Variants in CDKAL1 observed in about 807,000 individuals in gnomAD.
CDKAL1 encodes CDKAL1 threonylcarbamoyladenosine tRNA methylthiotransferase.
Under a neutral mutation model 68.2 loss-of-function variants are expected in CDKAL1, and 32 were observed. The observed-to-expected ratio is 0.47, with a 90% CI of 0.35 to 0.63. The LOEUF (loss-of-function observed/expected upper bound fraction) is 0.63. Among genes scored for constraint, CDKAL1 ranks in the 30% least tolerant of loss-of-function variants. CDKAL1 has a pLI of 0.00. For synonymous variants in CDKAL1, 234 were observed against 244.3 expected, an observed-to-expected ratio of 0.96 and a Z score of 0.39; for missense variants, 606 against 696.7, an observed-to-expected ratio of 0.87 and a Z score of 1.47.
intron 8 of CDKAL1, among the ~76,000 whole-genome samples, chr6:20,808,915 G>GT (rs1776681833): frequency 6.6e-6 from 1 of 152,120 alleles, no homozygotes; most frequent in South Asian, 2.1e-4. Flanking sequence ...TGAGGGAGCT[G>GT]TTTCAGATTC....
chr6:21,149,343 G>A (rs1321219157), intron 13 of CDKAL1, among the ~76,000 whole-genome samples: 1 of 151,860 alleles, frequency 6.6e-6, no homozygotes, highest in Admixed American at 6.6e-5. Flanking sequence ...ACAGGGTTTC[G>A]CCATGTTAGC....
intron 13 of CDKAL1, among the ~76,000 whole-genome samples, chr6:21,166,991 C>A (rs1777180692): frequency 6.6e-6 from 1 of 152,216 alleles, no homozygotes; most frequent in Admixed American, 6.5e-5. Flanking sequence ...TGTCACTTAA[C>A]CTCTGGGAGC....
At chr6:21,130,882 A>G (rs968768776) in intron 13 of CDKAL1, among the ~76,000 whole-genome samples, 9 of 152,300 alleles carry the variant, frequency 5.9e-5, no homozygotes, top group Non-Finnish European at 1.2e-4. Context: ...TGCCAATGCC[A>G]GGACTAAAAG....
chr6:20,564,087 G>A (rs1764369714), intron 4 of CDKAL1, among the ~76,000 whole-genome samples: 1 of 152,144 alleles, frequency 6.6e-6, no homozygotes, highest in Non-Finnish European at 1.5e-5. Flanking sequence ...AAACAAATGT[G>A]AGGTAATATG....
Position 20,937,461 on chromosome 6 carries a change from A to T in CDKAL1, c.743-17958A>T, listed in dbSNP as rs1763776906. Among the ~76,000 whole-genome samples the T allele has an allele frequency of 1.3e-5, 2 of 152,222 alleles. 1 individual carries two copies. Among genetic ancestry groups the T allele is most frequent in the South Asian group, 4.1e-4 (2 of 4,828 alleles). ...AACTTAACGTTGGTAAAATACTATTATGTAATCTGCAGACCCTATCCAAAT... is the reference window on the plus strand; with the variant it reads ...AACTTAACGTTGGTAAAATACTATTTTGTAATCTGCAGACCCTATCCAAAT... On this transcript the variant is annotated intron_variant, in intron 9 of 15. Coordinates refer to ENST00000274695, the MANE Select transcript of CDKAL1 (RefSeq NM_017774.3).
intron 12 of CDKAL1, among the ~76,000 whole-genome samples, chr6:21,070,204 C>G (rs895953894): frequency 6.6e-6 from 1 of 152,222 alleles, no homozygotes; most frequent in African/African-American, 2.4e-5. Flanking sequence ...TTATTTTTCC[C>G]TTTTCCTGAA....
chr6:21,223,919 C>T (rs137960600), intron 15 of CDKAL1, among the ~76,000 whole-genome samples: 5 of 152,260 alleles, frequency 3.3e-5, no homozygotes, highest in African/African-American at 1.2e-4. Flanking sequence ...CTGTCCTCTT[C>T]CCCCAGGAAA....
At chr6:20,553,752 C>T (rs747438680) in intron 4 of CDKAL1, among the ~76,000 whole-genome samples, 12 of 150,746 alleles carry the variant, frequency 8.0e-5, no homozygotes, top group African/African-American at 1.5e-4. Context: ...CTGGGATTAC[C>T]GGTGTGCGAT....
chr6:21,205,820 C>A (rs560101542), intron 15 of CDKAL1, among the ~76,000 whole-genome samples: 35 of 142,678 alleles, frequency 2.5e-4, no homozygotes, highest in Admixed American at 1.7e-3. Context: ...CGTGAGCCCC[C>A]GCGCCCAGCC....
chr6:20,849,551 C>T (rs1041218075), intron 9 of CDKAL1, among the ~76,000 whole-genome samples: 11 of 142,632 alleles, frequency 7.7e-5, no homozygotes, highest in African/African-American at 2.6e-4. Context: ...CCACTGAACT[C>T]GAGCCTGGGC....
At chr6:20,597,893 C>T (rs149347140) in intron 4 of CDKAL1, among the ~76,000 whole-genome samples, 17 of 152,122 alleles carry the variant, frequency 1.1e-4, no homozygotes, top group African/African-American at 3.9e-4. Context: ...GCTTTAGACA[C>T]GATTGAAATA....
intron 9 of CDKAL1, among the ~76,000 whole-genome samples, chr6:20,938,023 C>T (rs765980286): frequency 6.6e-6 from 1 of 152,080 alleles, no homozygotes; most frequent in African/African-American, 2.4e-5. Context: ...TCCTATCTTA[C>T]CTTTTACATT....
chr6:21,212,506 T>C (rs1389636590), intron 15 of CDKAL1, among the ~76,000 whole-genome samples: 1 of 152,136 alleles, frequency 6.6e-6, no homozygotes, highest in African/African-American at 2.4e-5. Context: ...TAACCATAAA[T>C]TGTAGTTTCC....
intron 4 of CDKAL1, among the ~76,000 whole-genome samples, chr6:20,550,884 T>C (rs1763793376): frequency 8.4e-6 from 1 of 119,462 alleles, no homozygotes; most frequent in Admixed American, 8.3e-5. Context: ...TTTTTTTTTT[T>C]GAGACAGAGT....
At chr6:20,966,315 A>G (rs1316961555) in intron 10 of CDKAL1, among the ~76,000 whole-genome samples, 1 of 152,206 alleles carries the variant, frequency 6.6e-6, no homozygotes, top group Non-Finnish European at 1.5e-5. Context: ...TTAAGTTCAA[A>G]AATTCTTTAA....
At chr6:20,907,237 A>G (rs913038036) in intron 9 of CDKAL1, among the ~76,000 whole-genome samples, 6 of 152,196 alleles carry the variant, frequency 3.9e-5, no homozygotes, top group African/African-American at 1.4e-4. Flanking sequence ...AGCCTGGGCA[A>G]CATGGCGAAA....
chr6:21,145,996 C>T (rs1776147788), intron 13 of CDKAL1, among the ~76,000 whole-genome samples: 1 of 152,214 alleles, frequency 6.6e-6, no homozygotes, highest in Non-Finnish European at 1.5e-5. Context: ...CCTAAAGGTT[C>T]TAGTGGACTA....
intron 9 of CDKAL1, among the ~76,000 whole-genome samples, chr6:20,934,613 G>A (rs1763615185): frequency 6.6e-6 from 1 of 152,048 alleles, no homozygotes; most frequent in Admixed American, 6.6e-5. Context: ...GGGAGGCTGA[G>A]ACAGAAGGAA....
intron 9 of CDKAL1, among the ~76,000 whole-genome samples, chr6:20,885,392 C>A (rs1430213325): frequency 6.6e-6 from 1 of 152,098 alleles, no homozygotes; most frequent in African/African-American, 2.4e-5. Flanking sequence ...GATTTTTGAC[C>A]AGGGAACCAC....
Sources: allele counts gnomAD v4.1 joint callset (sites outside exome capture counted in the v4.1 genomes callset), GRCh38; gene constraint gnomAD v4.1.1; transcripts MANE v1.5; gene names NCBI Gene and HGNC (gene_info 2026-07-23, HGNC 2026-07-21).